CES1: variants seen among roughly 807,000 people sequenced by gnomAD.
CES1 encodes liver carboxylesterase 1.
CES1 carries 50 observed loss-of-function variants against 53.0 expected under a neutral mutation model. The ratio of observed to expected loss-of-function variants is 0.94; its 90% CI spans 0.75 to 1.19. CES1 has a LOEUF of 1.19. Among genes scored for constraint, CES1 ranks in the 50% most tolerant of loss-of-function variants. CES1 has a pLI of 0.00. For missense variants in CES1, 534 were observed against 538.0 expected (o/e 0.99, Z 0.07); for synonymous variants, 202 against 210.1 (o/e 0.96, Z 0.33).
chr16:55,819,387 A>G, intron 7 of CES1, 148 bp downstream of exon 7: 3 of 710,540 alleles, frequency 4.2e-6, no homozygotes, highest in Non-Finnish European at 7.6e-6. Context: ...GGCATTTTAC[A>G]ATAAAAAAGG....
At chr16:55,832,558 C>G (rs1374071409) in intron 1 of CES1, among the ~76,000 whole-genome samples, 2 of 152,216 alleles carry the variant, frequency 1.3e-5, no homozygotes, top group African/African-American at 4.8e-5. Context: ...GTAACCCAAG[C>G]ACGGAATAGC....
chr16:55,826,915 G>C (rs1312395005), intron 2 of CES1, among the ~76,000 whole-genome samples: 1 of 152,178 alleles, frequency 6.6e-6, no homozygotes, highest in Non-Finnish European at 1.5e-5. Context: ...ACTGTTTTAA[G>C]TACCTTTTGT....
chr16:55,815,743 C>T (rs2031913915), intron 8 of CES1, among the ~76,000 whole-genome samples: 1 of 152,054 alleles, frequency 6.6e-6, no homozygotes, highest in African/African-American at 2.4e-5. Context: ...CAGTGGCTGC[C>T]CAGCTGGTCA....
chr16:55,826,150 C>A lies in CES1; in HGVS notation c.405+1G>T. On this transcript the variant is annotated splice_donor_variant, in intron 3 of 13. Transcript: ENST00000360526. LOFTEE classifies it high-confidence loss of function. ...CTTGACCAGGGGGTCCCACAACTTA[C>A]CGGCAGCCTGTTTTTCTTGGTCAAG... 1 of 1,613,990 alleles carries A rather than the reference C, an allele frequency of 6.2e-7. No homozygotes were observed. The highest frequency in any genetic ancestry group is 8.5e-7 in the Non-Finnish European group (1 of 1,179,878).
chr16:55,830,660 G>A (rs1312934405), intron 1 of CES1, among the ~76,000 whole-genome samples: 1 of 151,834 alleles, frequency 6.6e-6, no homozygotes, highest in African/African-American at 2.4e-5. Flanking sequence ...AAAATTAGCT[G>A]GGTGTGGTAG....
intron 3 of CES1, among the ~76,000 whole-genome samples, chr16:55,825,745 T>C (rs1385772383): frequency 6.6e-6 from 1 of 152,222 alleles, no homozygotes; most frequent in African/African-American, 2.4e-5. Context: ...CCCTTCCCTG[T>C]CTGGGCCTCA....
intron 6 of CES1, 193 bp downstream of exon 6, chr16:55,820,179 C>T (rs1449784929): frequency 8.6e-6 from 5 of 579,354 alleles, no homozygotes; most frequent in African/African-American, 3.8e-5. Context: ...AGCCCTGTGT[C>T]GGTTTGCCTG....
Position 55,828,968 on chromosome 16 carries a change from T to A in CES1, c.59A>T (p.His20Leu), listed in dbSNP as rs1437103945. ...GTCCACCACAGGTGGCGAGGACGGA[T>A]GCCCTGCTGGACATGGAGAATAAAT... Reference protein sequence around the residue: ...TLSASAAWAGHPSSPPVVDTV... With the variant: ...TLSASAAWAGLPSSPPVVDTV... Residue 20 changes from histidine (H) to leucine (L), a missense_variant, in exon 2 of 14, where the codon CAT becomes CTT. By Grantham distance (99) the His-to-Leu change is moderately conservative. Transcript: ENST00000360526. 2.5e-6 allele frequency: 4 copies of A among 1,607,692 alleles called. No individual in the cohort carries two copies. In the African/African-American group the frequency reaches 4.0e-5, roughly 16 times the overall value.
intron 6 of CES1, 179 bp downstream of exon 6, chr16:55,820,193 G>A (rs2032113640): frequency 1.7e-6 from 1 of 585,968 alleles, no homozygotes. Context: ...TTGCCTGGCT[G>A]TGAAACTGGG....
At chr16:55,808,881 A>T (rs1262308513) in intron 11 of CES1, among the ~76,000 whole-genome samples, 7 of 152,182 alleles carry the variant, frequency 4.6e-5, no homozygotes, top group Admixed American at 4.6e-4. Flanking sequence ...AGTATATAGG[A>T]CATGGAAAAT....
intron 1 of CES1, among the ~76,000 whole-genome samples, chr16:55,829,711 C>A (rs1413099770): frequency 6.6e-6 from 1 of 152,210 alleles, no homozygotes; most frequent in Admixed American, 6.5e-5. Flanking sequence ...GCTTAGAATG[C>A]CAGGCTAAGC....
intron 9 of CES1, 144 bp from the exon 10 acceptor site, chr16:55,811,154 T>C (rs1320276120): frequency 4.9e-5 from 33 of 671,546 alleles, no homozygotes; most frequent in South Asian, 4.1e-4. Flanking sequence ...CTGAAATGGG[T>C]GAAATCAATG....
rs28487980 is a variant in CES1 at position 55,819,930 on chromosome 16, G to A, written c.802-291C>T. ...TGTCAAGAAATGTGAGGTGGAGCTG[G>A]GATAGAGAGCATGGAATCCTGAATT... is the stretch of plus-strand genomic sequence containing the variant. On this transcript the variant is annotated intron_variant, in intron 6 of 13. Coordinates refer to ENST00000360526, the MANE Select transcript of CES1 (RefSeq NM_001025195.2). 4 of 569,398 alleles carry A rather than the reference G, an allele frequency of 7.0e-6. No homozygotes were observed. In the East Asian group the frequency reaches 8.8e-5, roughly 13 times the overall value. 35.3% of individuals were successfully genotyped at this position (569,398 alleles called of 1,614,324 possible).
intron 1 of CES1, among the ~76,000 whole-genome samples, chr16:55,831,646 G>A (rs1225571384): frequency 1.3e-5 from 2 of 150,036 alleles, no homozygotes; most frequent in East Asian, 3.9e-4. Flanking sequence ...GGAAATGGAT[G>A]GCATTGCCAG....
At chr16:55,824,501 C>T (rs1349090949) in intron 3 of CES1, among the ~76,000 whole-genome samples, 2 of 152,132 alleles carry the variant, frequency 1.3e-5, no homozygotes, top group Non-Finnish European at 2.9e-5. Context: ...ATAAACTATA[C>T]ATTGGGTAGG....
intron 7 of CES1, among the ~76,000 whole-genome samples, chr16:55,818,406 A>G (rs2032041244): frequency 6.6e-6 from 1 of 152,252 alleles, no homozygotes; most frequent in Non-Finnish European, 1.5e-5. Context: ...TTGAACTGTG[A>G]CATGGGGCAA....
intron 1 of CES1, 54 bp from the exon 2 acceptor site, chr16:55,829,028 T>A: frequency 6.4e-7 from 1 of 1,552,934 alleles, no homozygotes; most frequent in Non-Finnish European, 8.7e-7. Flanking sequence ...TGGACCCAGA[T>A]TCCAGGTGGA....
chr16:55,811,024 A>AGTTCAGCATTT lies in CES1; in HGVS notation c.1087-15_1087-14insAAATGCTGAAC. ...GCTCATCAACTGCTAAAAAAAAAAA[A>AGTTCAGCATTT]AAGTTCAGCATTTATGAATCATTGG... On this transcript the variant is annotated splice_polypyrimidine_tract_variant and intron_variant, in intron 9 of 13. Coordinates refer to ENST00000360526, the MANE Select transcript of CES1 (RefSeq NM_001025195.2). 1 of 1,599,612 alleles carries AGTTCAGCATTT rather than the reference A, an allele frequency of 6.3e-7. No individual in the cohort carries two copies. Among genetic ancestry groups the AGTTCAGCATTT allele is most frequent in the Non-Finnish European group, 8.6e-7 (1 of 1,167,478 alleles).
intron 7 of CES1, among the ~76,000 whole-genome samples, chr16:55,817,364 G>A (rs114640168): frequency 0.011 from 1,679 of 152,272 alleles, 25 homozygotes; most frequent in African/African-American, 0.039. Flanking sequence ...ACCCAGCCAT[G>A]CCTGAAGCCA....
Sources: gnomAD v4.1 joint callset for allele counts (sites outside exome capture counted in the v4.1 genomes callset) on GRCh38, gnomAD v4.1.1 for gene constraint, MANE v1.5 for transcripts, NCBI Gene and HGNC (gene_info 2026-07-23, HGNC 2026-07-21) for gene names.